The following ENTREP2 variants were observed in gnomAD, a reference collection of about 807,000 sequenced individuals.
ENTREP2 encodes protein ENTREP2.
the ENTREP2 span, among the ~76,000 whole-genome samples, chr15:29,204,183 C>T: frequency 8.5e-5 from 13 of 152,256 alleles, no homozygotes; most frequent in Non-Finnish European, 1.8e-4. Context: ...GGAACGACAC[C>T]GCAGAGCTTT....
the ENTREP2 span, among the ~76,000 whole-genome samples, chr15:29,232,877 C>T: frequency 6.6e-6 from 1 of 152,160 alleles, no homozygotes; most frequent in Non-Finnish European, 1.5e-5. Flanking sequence ...ACTAAGATTA[C>T]TTATCATACT....
the ENTREP2 span, among the ~76,000 whole-genome samples, chr15:29,454,554 C>T: frequency 2.6e-5 from 4 of 152,160 alleles, no homozygotes; most frequent in East Asian, 3.9e-4. Flanking sequence ...CTTGATTGAA[C>T]GTGCAGGATA....
At chr15:29,421,990 G>C in the ENTREP2 span, among the ~76,000 whole-genome samples, 1 of 152,096 alleles carries the variant, frequency 6.6e-6, no homozygotes, top group African/African-American at 2.4e-5. Context: ...ACATGGGGCC[G>C]GGCACGGTGG....
At chr15:29,577,491 C>T in the ENTREP2 span, among the ~76,000 whole-genome samples, 1 of 151,984 alleles carries the variant, frequency 6.6e-6, no homozygotes, top group Admixed American at 6.6e-5. Context: ...GTAGCTTGGA[C>T]TACAGGTGCG....
the ENTREP2 span, among the ~76,000 whole-genome samples, chr15:29,437,654 T>C: frequency 6.6e-6 from 1 of 152,224 alleles, no homozygotes; most frequent in Non-Finnish European, 1.5e-5. Flanking sequence ...AGCAGTTCAT[T>C]AGCTTTTCAT....
the ENTREP2 span, among the ~76,000 whole-genome samples, chr15:29,359,718 A>G: frequency 6.6e-6 from 1 of 152,092 alleles, no homozygotes; most frequent in African/African-American, 2.4e-5. Context: ...GCCAGTTTCA[A>G]TCAATTATTC....
At chr15:29,657,483 C>CTGGGGGGGCGG in the ENTREP2 span, among the ~76,000 whole-genome samples, 1 of 69,382 alleles carries the variant, frequency 1.4e-5, no homozygotes, top group Non-Finnish European at 2.8e-5. Flanking sequence ...GCTGGGGGGG[C>CTGGGGGGGCGG]GGGGGGGGGG....
chr15:29,610,477 TG>T, the ENTREP2 span: 1 of 150,292 alleles, frequency 6.7e-6, no homozygotes, highest in Non-Finnish European at 1.5e-5. Context: ...GCATCGATGG[TG>T]GAAAAAAAGA....
At chr15:29,613,498 AT>A in the ENTREP2 span, 8 of 367,900 alleles carry the variant, frequency 2.2e-5, no homozygotes, top group Non-Finnish European at 4.3e-5. Flanking sequence ...CGAGAAGAGG[AT>A]CCTGACCACA....
At chr15:29,638,560 A>G in the ENTREP2 span, among the ~76,000 whole-genome samples, 1 of 152,238 alleles carries the variant, frequency 6.6e-6, no homozygotes, top group Non-Finnish European at 1.5e-5. Context: ...TAGTGAGAAT[A>G]GAAAGGATTT....
the ENTREP2 span, chr15:29,124,876 C>T: frequency 1.8e-5 from 17 of 929,140 alleles, no homozygotes; most frequent in Non-Finnish European, 2.8e-5. Context: ...CAGGAGAAGC[C>T]TGCTGAGCTG....
the ENTREP2 span, among the ~76,000 whole-genome samples, chr15:29,258,247 A>AAG: frequency 6.6e-6 from 1 of 151,358 alleles, no homozygotes; most frequent in African/African-American, 2.4e-5. Flanking sequence ...AGAAAGAAAA[A>AAG]AGAAAGGGCC....
the ENTREP2 span, among the ~76,000 whole-genome samples, chr15:29,655,986 C>T: frequency 1.3e-5 from 2 of 148,532 alleles, no homozygotes; most frequent in Non-Finnish European, 3.0e-5. Context: ...ATCACGCCAC[C>T]GCACTCCAGC....
At chr15:29,355,505 TA>T in the ENTREP2 span, among the ~76,000 whole-genome samples, 34,123 of 140,944 alleles carry the variant, frequency 0.24, 7,572 homozygotes, top group African/African-American at 0.59. Context: ...GTGATACAAA[TA>T]AAAAAAAAAA....
At chr15:29,334,718 G>A in the ENTREP2 span, among the ~76,000 whole-genome samples, 11 of 152,310 alleles carry the variant, frequency 7.2e-5, no homozygotes, top group African/African-American at 2.6e-4. Context: ...TGTGACTTGC[G>A]TGATCCAGCG....
chr15:29,158,025 C>T, the ENTREP2 span, among the ~76,000 whole-genome samples: 13 of 152,358 alleles, frequency 8.5e-5, 1 homozygote, highest in African/African-American at 2.4e-4. Context: ...CCAATAGCGA[C>T]ATCTCTTAAT....
At chr15:29,649,287 T>A in the ENTREP2 span, among the ~76,000 whole-genome samples, 1 of 152,134 alleles carries the variant, frequency 6.6e-6, no homozygotes, top group Admixed American at 6.5e-5. Flanking sequence ...TGGGAGTGCA[T>A]TGGCAGATAT....
the ENTREP2 span, among the ~76,000 whole-genome samples, chr15:29,270,005 C>G: frequency 3.3e-5 from 5 of 152,148 alleles, no homozygotes; most frequent in African/African-American, 1.2e-4. Flanking sequence ...ACCGAAACTC[C>G]TAAACAAGTG....
At chr15:29,275,347 A>G in the ENTREP2 span, among the ~76,000 whole-genome samples, 1 of 152,190 alleles carries the variant, frequency 6.6e-6, no homozygotes, top group African/African-American at 2.4e-5. Flanking sequence ...TAAAAAATAT[A>G]TTTTCAATGA....
Sources: allele counts gnomAD v4.1 joint callset (sites outside exome capture counted in the v4.1 genomes callset), GRCh38; gene constraint gnomAD v4.1.1; transcripts MANE v1.5; gene names NCBI Gene and HGNC (gene_info 2026-07-23, HGNC 2026-07-21).